The following MACC1 variants were observed in gnomAD, a reference collection of about 807,000 sequenced individuals.
The protein encoded by MACC1 is MET transcriptional regulator MACC1, also known as metastasis-associated in colon cancer protein 1.
In MACC1, 79 loss-of-function variants were observed where a neutral mutation model predicts 70.7. The observed-to-expected ratio is 1.12, with a 90% CI of 0.93 to 1.35. The LOEUF (loss-of-function observed/expected upper bound fraction) is 1.35, where lower values mean the gene tolerates loss of function less well. Ranked by LOEUF, MACC1 falls within the 40% of genes most tolerant of loss-of-function variation. The probability of loss-of-function intolerance (pLI) is 0.00; values close to 1 mark genes in which losing one functional copy is unlikely to be tolerated. For missense variants in MACC1, 1,106 were observed against 978.1 expected (o/e 1.13, Z -1.74); for synonymous variants, 361 against 347.2 (o/e 1.04, Z -0.44).
rs1176590657 is a variant in MACC1, at chr7:20,140,909, C to T, written c.*37G>A. ...GACACACACACACACACACCATTAC[C>T]TCATTTTCCCTCCCATCAAAAACAC... On this transcript the variant is annotated 3_prime_UTR_variant, in exon 7 of 7. Coordinates refer to ENST00000400331, the MANE Select transcript of MACC1 (RefSeq NM_182762.4). 1 of 1,491,232 alleles carries T rather than the reference C, an allele frequency of 6.7e-7. No individual in the cohort carries two copies. The highest frequency in any genetic ancestry group is 9.2e-7 in the Non-Finnish European group (1 of 1,084,292). The allele number at this position is 1,491,232 out of a possible 1,614,324, so 92.4% of individuals were successfully genotyped here. A position where few individuals can be genotyped will look rare whatever the true frequency, so the allele number is the denominator to read the frequency against.
rs1782158511 is a variant in MACC1 at position 20,162,820 on chromosome 7, TA to T, written c.-8-951del. Among the ~76,000 whole-genome samples the T allele has an allele frequency of 2.0e-5, 3 of 152,234 alleles. No homozygotes were observed. In the South Asian group the frequency reaches 6.2e-4, roughly 32 times the overall value. ...AAACCTAAAAGTGAAAACAAAACCT[TA>T]AAATTTGGAAGATAGTCTAGAGATC... On this transcript the variant is annotated intron_variant, in intron 3 of 6. Coordinates refer to ENST00000400331, the MANE Select transcript of MACC1 (RefSeq NM_182762.4).
chr7:20,138,710 TC>T lies in MACC1; in HGVS notation c.*2235del, dbSNP rs1409963981. 2 of 151,858 alleles carry T rather than the reference TC, an allele frequency of 1.3e-5. No homozygotes were observed. The highest frequency in any genetic ancestry group is 4.8e-5 in the African/African-American group (2 of 41,292). 9.4% of individuals were successfully genotyped at this position (151,858 alleles called of 1,614,324 possible). ...CTTTTTTTTTTTTTGAGACAGCCTG[TC>T]ACCCAGGCTGGAGTGCAGTGGCATG... On this transcript the variant is annotated 3_prime_UTR_variant, in exon 7 of 7. Coordinates refer to ENST00000400331, the MANE Select transcript of MACC1 (RefSeq NM_182762.4).
chr7:20,149,101 T>C (rs1781937077), intron 6 of MACC1, among the ~76,000 whole-genome samples: 1 of 152,170 alleles, frequency 6.6e-6, no homozygotes, highest in Non-Finnish European at 1.5e-5. Flanking sequence ...CGAGAGATAA[T>C]TTCCAAGGAA....
intron 1 of MACC1, among the ~76,000 whole-genome samples, chr7:20,204,286 C>G (rs1782877884): frequency 6.6e-6 from 1 of 152,088 alleles, no homozygotes; most frequent in East Asian, 1.9e-4. Context: ...TCCAGAGCAG[C>G]TGGGACCACA....
chr7:20,141,310 T>C, intron 6 of MACC1, 152 bp from the exon 7 acceptor site: 1 of 526,888 alleles, frequency 1.9e-6, no homozygotes, highest in Admixed American at 3.7e-5. Flanking sequence ...GAAAATATGG[T>C]TTAATAACTA....
At chr7:20,187,982 G>A (rs28669966) in intron 1 of MACC1, among the ~76,000 whole-genome samples, 17,112 of 152,138 alleles carry the variant, frequency 0.11, 1,152 homozygotes, top group Non-Finnish European at 0.15. Flanking sequence ...CACGGCTGGG[G>A]AGGCCTCGGG....
At chr7:20,143,638 C>T (rs1781841837) in intron 6 of MACC1, among the ~76,000 whole-genome samples, 1 of 152,190 alleles carries the variant, frequency 6.6e-6, no homozygotes, top group Non-Finnish European at 1.5e-5. Flanking sequence ...ATCCGCCCGC[C>T]TCGGACTCGC....
Position 20,158,252 on chromosome 7 carries a change from A to G in MACC1, c.2109T>C (p.Asp703=), listed in dbSNP as rs762605155. The change falls in exon 5 of 7, where the codon GAT becomes GAC. Residue 703 remains aspartate (D), a synonymous_variant. Transcript: ENST00000400331. ...TCCTTGTATTTCTCTCTGTGTGGCA[A>G]TCTTCCTTTAACTTCTTTATAACAT... is the stretch of plus-strand genomic sequence containing the variant. ...VSYVIKKLKE[D]CHTERNTRKF... 1.9e-6 allele frequency: 3 copies of G among 1,603,322 alleles called. No homozygotes were observed. The highest frequency in any genetic ancestry group is 1.7e-5 in the Admixed American group (1 of 57,600).
chr7:20,169,390 G>A (rs1562589953), intron 2 of MACC1, among the ~76,000 whole-genome samples: 1 of 152,152 alleles, frequency 6.6e-6, no homozygotes, highest in Non-Finnish European at 1.5e-5. Flanking sequence ...CGTGTTCTGG[G>A]TTGTACTTTT....
chr7:20,179,593 G>A (rs1381972721), intron 1 of MACC1, among the ~76,000 whole-genome samples: 1 of 152,172 alleles, frequency 6.6e-6, no homozygotes, highest in Admixed American at 6.6e-5. Context: ...GTTCCTGATT[G>A]GAGGCTGTTT....
At chr7:20,196,531 C>T (rs1187359203) in intron 1 of MACC1, among the ~76,000 whole-genome samples, 2 of 152,042 alleles carry the variant, frequency 1.3e-5, no homozygotes, top group Non-Finnish European at 2.9e-5. Flanking sequence ...CATCCAGTCA[C>T]ACTGGAGAAA....
At chr7:20,195,286 T>C (rs994972521) in intron 1 of MACC1, among the ~76,000 whole-genome samples, 67 of 152,304 alleles carry the variant, frequency 4.4e-4, no homozygotes, top group Non-Finnish European at 1.8e-4. Flanking sequence ...CTTTAAAAAC[T>C]ACAGGATTTA....
chr7:20,146,013 T>C (rs541751879), intron 6 of MACC1, among the ~76,000 whole-genome samples: 1 of 151,660 alleles, frequency 6.6e-6, no homozygotes, highest in East Asian at 1.9e-4. Flanking sequence ...ATACAAAAAT[T>C]AGTGAGGCGT....
intron 1 of MACC1, among the ~76,000 whole-genome samples, chr7:20,216,169 C>A (rs1415772136): frequency 6.6e-6 from 1 of 152,024 alleles, no homozygotes; most frequent in Non-Finnish European, 1.5e-5. Flanking sequence ...TATGTAAAAA[C>A]CAGACATTAA....
intron 1 of MACC1, among the ~76,000 whole-genome samples, chr7:20,178,118 CTACT>C (rs1274647547): frequency 4.0e-5 from 6 of 151,782 alleles, no homozygotes; most frequent in African/African-American, 1.5e-4. Context: ...CTCAGTTTAC[CTACT>C]TACTTATAAA....
intron 6 of MACC1, among the ~76,000 whole-genome samples, chr7:20,141,723 C>G (rs1309416887): frequency 6.6e-6 from 1 of 152,046 alleles, no homozygotes; most frequent in Non-Finnish European, 1.5e-5. Flanking sequence ...TATATTTTAT[C>G]ATCGAAAGAA....
At chr7:20,163,300 G>A (rs1436997010) in intron 3 of MACC1, among the ~76,000 whole-genome samples, 1 of 152,172 alleles carries the variant, frequency 6.6e-6, no homozygotes, top group Non-Finnish European at 1.5e-5. Context: ...GTGCAACAAA[G>A]GGAAAGCCTA....
chr7:20,214,303 C>T (rs1783038989), intron 1 of MACC1, among the ~76,000 whole-genome samples: 1 of 152,106 alleles, frequency 6.6e-6, no homozygotes, highest in Non-Finnish European at 1.5e-5. Context: ...ATGGAATACC[C>T]AGTATCCCTC....
chr7:20,199,807 T>G (rs1782806439), intron 1 of MACC1, among the ~76,000 whole-genome samples: 1 of 152,106 alleles, frequency 6.6e-6, no homozygotes, highest in African/African-American at 2.4e-5. Flanking sequence ...TAAGAAAAAC[T>G]TATTTTTAAA....
Sources: allele counts gnomAD v4.1 joint callset (sites outside exome capture counted in the v4.1 genomes callset), GRCh38; gene constraint gnomAD v4.1.1; transcripts MANE v1.5; gene names NCBI Gene and HGNC (gene_info 2026-07-23, HGNC 2026-07-21).